MIA2: variants seen among roughly 807,000 people sequenced by gnomAD.
The protein encoded by MIA2 is melanoma inhibitory activity protein 2.
A neutral mutation model predicts 167.8 loss-of-function variants in MIA2; 127 were observed. The ratio of observed to expected loss-of-function variants is 0.76; its 90% CI spans 0.66 to 0.88. The LOEUF is 0.88. Among genes scored for constraint, MIA2 ranks in the 40% least tolerant of loss-of-function variants. The pLI is 0.00. For synonymous variants in MIA2, 552 were observed against 541.9 expected, an observed-to-expected ratio of 1.02 and a Z score of -0.26; for missense variants, 1,690 against 1,624.7, an observed-to-expected ratio of 1.04 and a Z score of -0.69.
At chr14:39,269,523 CTT>C (rs34205921) in intron 6 of MIA2, among the ~76,000 whole-genome samples, 19 of 144,546 alleles carry the variant, frequency 1.3e-4, no homozygotes, top group Non-Finnish European at 9.1e-5. Flanking sequence ...TTTTTTCTTT[CTT>C]TTTTTTTTTT....
chr14:39,322,726 C>T (rs753762658), intron 24 of MIA2, among the ~76,000 whole-genome samples: 12 of 152,032 alleles, frequency 7.9e-5, no homozygotes, highest in Non-Finnish European at 1.8e-4. Context: ...CTTTTTTGAT[C>T]TCTCACCATA....
chr14:39,253,031 A>G (rs2054647669), intron 5 of MIA2, 40 bp from the exon 6 acceptor site: 1 of 1,563,204 alleles, frequency 6.4e-7, no homozygotes. Context: ...CAGAAGTTAT[A>G]TAATATCATG....
At chr14:39,248,258 T>G in intron 4 of MIA2, 117 bp downstream of exon 4, 1 of 731,932 alleles carries the variant, frequency 1.4e-6, no homozygotes, top group Non-Finnish European at 1.9e-6. Context: ...TACTTAGCTC[T>G]TTCATCAATT....
chr14:39,251,499 T>C (rs1363606791), intron 4 of MIA2, among the ~76,000 whole-genome samples: 2 of 152,068 alleles, frequency 1.3e-5, no homozygotes, highest in African/African-American at 2.4e-5. Context: ...TTTTCTTATA[T>C]ATTTATTTCA....
intron 23 of MIA2, among the ~76,000 whole-genome samples, chr14:39,380,410 G>C (rs533490789): frequency 1.3e-4 from 20 of 152,200 alleles, no homozygotes; most frequent in Admixed American, 3.9e-4. Context: ...ATTAAAAATT[G>C]ATGCTGGAGT....
chr14:39,290,150 G>A (rs1238422433), intron 9 of MIA2, among the ~76,000 whole-genome samples: 2 of 152,150 alleles, frequency 1.3e-5, no homozygotes, highest in African/African-American at 4.8e-5. Context: ...TGAACTCCAA[G>A]TGTTTTTTCT....
In MIA2 at chr14:39,252,881, C is replaced by A. The variant is rs772941785; in HGVS notation, c.1701C>A (p.Asp567Glu). 1 of 1,613,908 alleles carries A rather than the reference C, an allele frequency of 6.2e-7. No homozygotes were observed. The highest frequency in any genetic ancestry group is 1.3e-5 in the African/African-American group (1 of 74,914). The change falls in exon 5 of 29, where the codon GAC becomes GAA. Residue 567 changes from aspartate to glutamate, a missense_variant. Transcript: ENST00000640607. ...AAGGGCCTGCTCTGGTGGAGATAGA[C>A]AGATCTGTGGAAAATACCCTGCTAA... ...DTEGPALVEI[D>E]RSVENTLLNS...
intron 6 of MIA2, chr14:39,253,411 C>T (rs1448500789): frequency 2.0e-5 from 11 of 544,548 alleles, no homozygotes; most frequent in Admixed American, 3.8e-5. Flanking sequence ...TTGCTTTTTA[C>T]TCCACCCTCC....
chr14:39,366,237 C>T (rs781533917), intron 23 of MIA2, among the ~76,000 whole-genome samples: 10 of 152,164 alleles, frequency 6.6e-5, no homozygotes, highest in Admixed American at 2.6e-4. Flanking sequence ...CTGAGTGTGC[C>T]TGTCCTTGGG....
At chr14:39,367,400 C>T (rs2074845279) in intron 23 of MIA2, among the ~76,000 whole-genome samples, 3 of 152,196 alleles carry the variant, frequency 2.0e-5, no homozygotes, top group Non-Finnish European at 4.4e-5. Flanking sequence ...CTGTGCTGCA[C>T]AGCTTGGATT....
chr14:39,276,857 A>G, intron 6 of MIA2, 77 bp from the exon 7 acceptor site: 1 of 1,520,126 alleles, frequency 6.6e-7, no homozygotes. Flanking sequence ...TTGACCACAT[A>G]AACTTGTACC....
chr14:39,315,337 C>T (rs759631161), intron 20 of MIA2: 36 of 182,840 alleles, frequency 2.0e-4, no homozygotes, highest in African/African-American at 7.3e-4. Flanking sequence ...ATAAAATTGC[C>T]GTATCTCCTG....
intron 23 of MIA2, 68 bp downstream of exon 23, chr14:39,319,359 A>G: frequency 1.4e-6 from 1 of 715,558 alleles, no homozygotes; most frequent in Non-Finnish European, 2.1e-6. Flanking sequence ...TTGCACATAT[A>G]GTTTCTATTA....
At chr14:39,342,259 G>C (rs967086634) in intron 25 of MIA2, among the ~76,000 whole-genome samples, 134 of 150,612 alleles carry the variant, frequency 8.9e-4, no homozygotes, top group Non-Finnish European at 1.7e-3. Flanking sequence ...AGAACATGCA[G>C]TGTTTGGTTT....
chr14:39,329,732 G>A (rs2068384303), intron 25 of MIA2, among the ~76,000 whole-genome samples: 1 of 151,132 alleles, frequency 6.6e-6, no homozygotes, highest in Non-Finnish European at 1.5e-5. Flanking sequence ...ATAATCATGT[G>A]GTTTTTGTCA....
chr14:39,290,734 A>G (rs1358839902), intron 9 of MIA2, among the ~76,000 whole-genome samples: 2 of 152,176 alleles, frequency 1.3e-5, no homozygotes, highest in African/African-American at 4.8e-5. Flanking sequence ...ATTTTTAGTA[A>G]AAGATGCTAA....
At chr14:39,364,170 C>G (rs1471129534) in intron 23 of MIA2, among the ~76,000 whole-genome samples, 1 of 152,032 alleles carries the variant, frequency 6.6e-6, no homozygotes, top group East Asian at 1.9e-4. Context: ...CCATCCTGGC[C>G]AACATGGTGA....
intron 9 of MIA2, among the ~76,000 whole-genome samples, chr14:39,285,402 AG>A (rs1231102543): frequency 1.7e-5 from 2 of 114,448 alleles, no homozygotes; most frequent in African/African-American, 3.5e-5. Context: ...CCCTCCCGGA[AG>A]GGGCGGCTGG....
chr14:39,321,414 C>T (rs200897279), intron 24 of MIA2, among the ~76,000 whole-genome samples: 20 of 151,288 alleles, frequency 1.3e-4, no homozygotes, highest in Non-Finnish European at 2.5e-4. Flanking sequence ...CCCAGGTTCA[C>T]GCCATTCTCC....
Sources: gnomAD v4.1 joint callset for allele counts (sites outside exome capture counted in the v4.1 genomes callset) on GRCh38, gnomAD v4.1.1 for gene constraint, MANE v1.5 for transcripts, NCBI Gene and HGNC (gene_info 2026-07-23, HGNC 2026-07-21) for gene names.